STAG2: variants seen among roughly 807,000 people sequenced by gnomAD.
The protein encoded by STAG2 is cohesin subunit SA-2.
In STAG2, 14 loss-of-function variants were observed where a neutral mutation model predicts 108.1. That is an observed-to-expected ratio of 0.13 (90% CI 0.09 to 0.20). STAG2 has a LOEUF of 0.20. Ranked by LOEUF, STAG2 falls within the 10% of genes least tolerant of loss-of-function variation. The pLI, the probability that STAG2 is intolerant of heterozygous loss-of-function variation, is 1.00. For missense variants in STAG2, 440 were observed against 940.9 expected (o/e 0.47, Z 6.96); for synonymous variants, 307 against 302.7 (o/e 1.01, Z -0.15).
At chrX:124,029,959 C>A (rs931097581) in intron 4 of STAG2, among the ~76,000 whole-genome samples, 1 of 110,366 alleles carries the variant, frequency 9.1e-6, no homozygotes, top group African/African-American at 3.3e-5. Context: ...TGCCCCTACC[C>A]GCGCGTCCCC....
At chrX:124,016,454 A>G (rs1005806838) in intron 1 of STAG2, among the ~76,000 whole-genome samples, 4 of 112,045 alleles carry the variant, frequency 3.6e-5, no homozygotes, top group African/African-American at 1.3e-4. Flanking sequence ...TTTTGTTGTT[A>G]TTATGTCTGT....
intron 1 of STAG2, among the ~76,000 whole-genome samples, chrX:124,008,294 A>G (rs1453211997): frequency 9.5e-6 from 1 of 105,075 alleles, no homozygotes; most frequent in Non-Finnish European, 2.0e-5. Flanking sequence ...GCTCACTGCA[A>G]CCTCCGCTTC....
intron 13 of STAG2, among the ~76,000 whole-genome samples, chrX:124,052,646 A>G (rs2058077671): frequency 9.0e-6 from 1 of 111,135 alleles, no homozygotes; most frequent in Non-Finnish European, 1.9e-5. Context: ...GATGTGTACA[A>G]GTATCTGTTT....
chrX:124,020,509 C>T (rs2056891797), intron 1 of STAG2, among the ~76,000 whole-genome samples: 1 of 111,101 alleles, frequency 9.0e-6, no homozygotes, highest in South Asian at 3.8e-4. Flanking sequence ...GTGTATCTTA[C>T]ATATGATGAC....
chrX:124,032,760 A>C (rs1409722707), intron 5 of STAG2, among the ~76,000 whole-genome samples: 1 of 112,418 alleles, frequency 8.9e-6, no homozygotes, highest in Non-Finnish European at 1.9e-5. Context: ...TGTGAAAGAC[A>C]CAATTGCATT....
intron 1 of STAG2, among the ~76,000 whole-genome samples, chrX:123,977,754 T>C (rs1295655428): frequency 9.1e-6 from 1 of 110,033 alleles, no homozygotes; most frequent in Non-Finnish European, 1.9e-5. Context: ...CATAGTGAGC[T>C]TAAACTTTTT....
chrX:124,042,038 A>C (rs771331642), intron 6 of STAG2, among the ~76,000 whole-genome samples: 1 of 111,134 alleles, frequency 9.0e-6, no homozygotes, highest in East Asian at 2.8e-4. Flanking sequence ...TAACTAGATT[A>C]CAGGCGTCTA....
intron 6 of STAG2, among the ~76,000 whole-genome samples, chrX:124,040,625 G>A (rs2057680175): frequency 9.2e-6 from 1 of 108,789 alleles, no homozygotes; most frequent in South Asian, 3.9e-4. Flanking sequence ...AGAAATGAGG[G>A]ATTGTTGAAA....
intron 1 of STAG2, among the ~76,000 whole-genome samples, chrX:123,998,168 A>ATTT (rs1170203471): frequency 1.2e-5 from 1 of 84,258 alleles, no homozygotes; most frequent in African/African-American, 4.5e-5. Context: ...ACTGTGTTTA[A>ATTT]TTTTTTTTTT....
intron 32 of STAG2, among the ~76,000 whole-genome samples, chrX:124,092,344 C>T (rs1022766166): frequency 1.8e-5 from 2 of 111,281 alleles, no homozygotes; most frequent in African/African-American, 6.5e-5. Flanking sequence ...TTTCTGTGAC[C>T]ACATTCCTTT....
intron 1 of STAG2, among the ~76,000 whole-genome samples, chrX:123,990,553 G>A (rs2055406048): frequency 9.0e-6 from 1 of 111,511 alleles, no homozygotes. Flanking sequence ...TTTTGATGGT[G>A]TCTTTTCAGA....
rs377184636 is a variant in STAG2 at position 124,035,311 on chromosome X, G to A, written c.289-2216G>A. On this transcript the variant is annotated intron_variant, in intron 5 of 34. Coordinates refer to ENST00000371145, the MANE Select transcript of STAG2 (RefSeq NM_001042750.2). ...AATTTTAAGCATATTTCAGTAGCTCGCATTATTTTTATTATAGCAGACTTA... is the reference window on the plus strand; with the variant it reads ...AATTTTAAGCATATTTCAGTAGCTCACATTATTTTTATTATAGCAGACTTA... Among the ~76,000 whole-genome samples the A allele has an allele frequency of 7.2e-5, 8 of 111,450 alleles. No homozygotes were observed. The East Asian group carries it at 1.7e-3, about 23-fold the overall frequency.
chrX:123,971,046 C>G (rs941702880), intron 1 of STAG2, among the ~76,000 whole-genome samples: 9 of 111,638 alleles, frequency 8.1e-5, no homozygotes, highest in African/African-American at 2.9e-4. Flanking sequence ...TGTGTGATGA[C>G]CCTAATTAAT....
rs948429673 is a variant in STAG2 at position 123,979,634 on chromosome X, C to T, written c.-163+17778C>T. 2.7e-5 allele frequency among the ~76,000 whole-genome samples: 3 copies of T among 111,486 alleles called. No individual in the cohort carries two copies. The Admixed American group carries it at 2.9e-4, about 11-fold the overall frequency. ...CCTGTAGTTTTTAGAGGCCTATTCT[C>T]ATGAATTGCCTTGAGTTCCAGGAGG... On this transcript the variant is annotated intron_variant, in intron 1 of 34. Coordinates refer to ENST00000371145, the MANE Select transcript of STAG2 (RefSeq NM_001042750.2).
At chrX:124,085,641 A>T (rs5958387) in intron 29 of STAG2, among the ~76,000 whole-genome samples, 2 of 108,682 alleles carry the variant, frequency 1.8e-5, no homozygotes, top group East Asian at 2.9e-4. Flanking sequence ...CAGGCATGGC[A>T]GTGTGCACCT....
At chrX:124,012,594 T>C (rs1433197472) in intron 1 of STAG2, among the ~76,000 whole-genome samples, 2 of 111,788 alleles carry the variant, frequency 1.8e-5, no homozygotes, top group Non-Finnish European at 3.8e-5. Flanking sequence ...TGGCTGGTAA[T>C]GCTAAATATT....
chrX:124,077,250 G>GT (rs199555665), intron 26 of STAG2, among the ~76,000 whole-genome samples: 2,281 of 101,975 alleles, frequency 0.022, 82 homozygotes, highest in Admixed American at 0.11. Context: ...TAATTACCAG[G>GT]TTTTTTTTTT....
chrX:124,066,169 T>TTTAAAG lies in STAG2; in HGVS notation c.2097-5_2097-4insTAAAGT. On this transcript the variant is annotated splice_polypyrimidine_tract_variant and splice_region_variant and intron_variant, in intron 21 of 34. Coordinates refer to ENST00000371145, the MANE Select transcript of STAG2 (RefSeq NM_001042750.2). ...TTTTTTTTTTTTTTTTTTTTTTTTT[T>TTTAAAG]TACAGTGCCCATGACCTTTCAAAGT... 1 of 987,405 alleles carries TTTAAAG rather than the reference T, an allele frequency of 1.0e-6. No homozygotes were observed. Among genetic ancestry groups the TTTAAAG allele is most frequent in the Non-Finnish European group, 1.3e-6 (1 of 750,017 alleles). 81.4% of individuals were successfully genotyped at this position (987,405 alleles called of 1,213,427 possible).
intron 1 of STAG2, among the ~76,000 whole-genome samples, chrX:123,986,329 C>T (rs2055190857): frequency 9.1e-6 from 1 of 110,138 alleles, no homozygotes; most frequent in Admixed American, 9.9e-5. Flanking sequence ...TTAGATCAGT[C>T]CTGTGATCTT....
Sources: gnomAD v4.1 joint callset for allele counts (sites outside exome capture counted in the v4.1 genomes callset) on GRCh38, gnomAD v4.1.1 for gene constraint, MANE v1.5 for transcripts, NCBI Gene and HGNC (gene_info 2026-07-23, HGNC 2026-07-21) for gene names.